CARMIL1: variants seen among roughly 807,000 people sequenced by gnomAD.
The protein encoded by CARMIL1 is capping protein regulator and myosin 1 linker 1, also known as F-actin-uncapping protein LRRC16A.
In CARMIL1, 90 loss-of-function variants were observed where a neutral mutation model predicts 177.1. The observed-to-expected ratio is 0.51, with a 90% confidence interval of 0.43 to 0.61. CARMIL1 has a LOEUF of 0.61. Among genes scored for constraint, CARMIL1 ranks in the 20% least tolerant of loss-of-function variants. The pLI, the probability that CARMIL1 is intolerant of heterozygous loss-of-function variation, is 0.00. For missense variants in CARMIL1, 1,380 were observed against 1,667.0 expected (o/e 0.83, Z 3.00); for synonymous variants, 577 against 606.2 (o/e 0.95, Z 0.71).
chr6:25,471,775 T>G (rs767144835), intron 10 of CARMIL1, among the ~76,000 whole-genome samples: 2 of 152,206 alleles, frequency 1.3e-5, no homozygotes, highest in Non-Finnish European at 2.9e-5. Context: ...TTTTAGTCAT[T>G]TTTTCTCCCT....
chr6:25,327,472 T>G lies in CARMIL1; in HGVS notation c.138+42563T>G, dbSNP rs914687429. Among the ~76,000 whole-genome samples the G allele has an allele frequency of 4.6e-5, 7 of 152,216 alleles. No homozygotes were observed. In the East Asian group the frequency reaches 1.2e-3, roughly 25 times the overall value. Reference sequence around the variant, plus strand: ...TTGATTTCCATCACAGGTTTTAGATTAGAAGAAACCAGAGAAACACAGCCC... The same window carrying G: ...TTGATTTCCATCACAGGTTTTAGATGAGAAGAAACCAGAGAAACACAGCCC... On this transcript the variant is annotated intron_variant, in intron 2 of 36. Transcript: ENST00000329474.
chr6:25,544,631 A>ACACG (rs1249558413), intron 26 of CARMIL1, among the ~76,000 whole-genome samples: 4 of 151,110 alleles, frequency 2.6e-5, no homozygotes, highest in African/African-American at 9.8e-5. Context: ...ACACACACAC[A>ACACG]CACACACACA....
intron 32 of CARMIL1, among the ~76,000 whole-genome samples, chr6:25,597,482 T>A (rs1176716983): frequency 6.6e-6 from 1 of 152,232 alleles, no homozygotes; most frequent in Non-Finnish European, 1.5e-5. Flanking sequence ...TATTGTCCCC[T>A]TTTTCATTTG....
intron 24 of CARMIL1, among the ~76,000 whole-genome samples, chr6:25,530,061 A>T (rs1056419357): frequency 1.3e-5 from 2 of 152,164 alleles, no homozygotes; most frequent in African/African-American, 4.8e-5. Flanking sequence ...ATTAGAGGAC[A>T]GGAAAGAATA....
chr6:25,523,150 TGAGAG>T (rs1806742481), intron 23 of CARMIL1, among the ~76,000 whole-genome samples: 1 of 152,232 alleles, frequency 6.6e-6, no homozygotes, highest in East Asian at 1.9e-4. Flanking sequence ...TGATTGGAGA[TGAGAG>T]AGAAAAAAGC....
Position 25,509,831 on chromosome 6 carries a change from C to A in CARMIL1, c.1477+94C>A, listed in dbSNP as rs1805292013. On this transcript the variant is annotated intron_variant, in intron 18 of 36. Transcript: ENST00000329474. This position sits in a 1 kb window ranked among gnomAD's most constrained non-coding sequence, Gnocchi z 4.1. The stretch of plus-strand genomic sequence containing the variant: ...TCTTCTACCCAAATCCAAACAATAG[C>A]TTAATAAAAAAATTGTTTTTTATTT... 2.5e-6 allele frequency: 2 copies of A among 815,892 alleles called. No homozygotes were observed. The highest frequency in any genetic ancestry group is 3.5e-5 in the African/African-American group (2 of 56,830). The allele number at this position is 815,892 out of a possible 1,614,324, so 50.5% of individuals were successfully genotyped here.
chr6:25,610,791 CTG>C (rs749226075), intron 36 of CARMIL1, among the ~76,000 whole-genome samples: 2 of 152,222 alleles, frequency 1.3e-5, no homozygotes, highest in African/African-American at 2.4e-5. Context: ...CCAAATCAGA[CTG>C]AGCTGTTACC....
At chr6:25,552,558 T>C (rs1265411660) in intron 27 of CARMIL1, among the ~76,000 whole-genome samples, 4 of 152,178 alleles carry the variant, frequency 2.6e-5, no homozygotes, top group Non-Finnish European at 4.4e-5. Flanking sequence ...AATATGCACA[T>C]TTGCATGGGC....
chr6:25,284,165 G>A (rs1781356395), intron 1 of CARMIL1, among the ~76,000 whole-genome samples: 1 of 152,206 alleles, frequency 6.6e-6, no homozygotes, highest in Non-Finnish European at 1.5e-5. Context: ...GGGAATTTAT[G>A]AATTCCTGTT....
intron 5 of CARMIL1, among the ~76,000 whole-genome samples, chr6:25,441,915 A>G (rs73393839): frequency 0.012 from 1,888 of 152,132 alleles, 49 homozygotes; most frequent in African/African-American, 0.043. Context: ...TTAGTATTAA[A>G]TGATATTGTT....
chr6:25,338,256 C>CAA (rs869144757), intron 2 of CARMIL1, among the ~76,000 whole-genome samples: 635 of 58,102 alleles, frequency 0.011, 3 homozygotes, highest in African/African-American at 0.05. Flanking sequence ...GACTCTGTCT[C>CAA]AAAAAAAAAA....
intron 29 of CARMIL1, chr6:25,564,011 G>A (rs1204845277): frequency 3.4e-6 from 1 of 292,758 alleles, no homozygotes; most frequent in Admixed American, 6.5e-5. Flanking sequence ...ATCATATTAA[G>A]TATCATAAGT....
chr6:25,318,434 A>G (rs898026633), intron 2 of CARMIL1, among the ~76,000 whole-genome samples: 6 of 152,010 alleles, frequency 3.9e-5, no homozygotes, highest in Admixed American at 6.6e-5. Flanking sequence ...CCAGTTTTTG[A>G]TATTTTTTCT....
At chr6:25,420,235 C>T in intron 3 of CARMIL1, 71 bp downstream of exon 3, 1 of 1,372,908 alleles carries the variant, frequency 7.3e-7, no homozygotes, top group South Asian at 1.2e-5. Context: ...GTCACTCATG[C>T]ATTCTTACAT....
At chr6:25,310,952 G>A (rs6456668) in intron 2 of CARMIL1, among the ~76,000 whole-genome samples, 30,933 of 151,872 alleles carry the variant, frequency 0.2, 4,023 homozygotes, top group East Asian at 0.4. Flanking sequence ...TGGCCAAGGT[G>A]GGTGGATCAC....
intron 16 of CARMIL1, among the ~76,000 whole-genome samples, chr6:25,499,964 G>T (rs529463253): frequency 2.6e-5 from 4 of 152,366 alleles, no homozygotes; most frequent in Non-Finnish European, 5.9e-5. Context: ...CAGGCAAAAA[G>T]AATGCTGCAG....
chr6:25,483,962 T>C (rs932450615), intron 12 of CARMIL1, among the ~76,000 whole-genome samples: 2 of 152,062 alleles, frequency 1.3e-5, no homozygotes, highest in African/African-American at 4.8e-5. Context: ...AGTTTCCATG[T>C]TCCGTGGCCA....
chr6:25,418,572 C>T (rs1298674772), intron 2 of CARMIL1, among the ~76,000 whole-genome samples: 1 of 151,790 alleles, frequency 6.6e-6, no homozygotes, highest in East Asian at 1.9e-4. Context: ...AGATAAATTC[C>T]TCAGGGAAAA....
chr6:25,396,413 G>A (rs1793399160), intron 2 of CARMIL1, among the ~76,000 whole-genome samples: 1 of 149,230 alleles, frequency 6.7e-6, no homozygotes, highest in Non-Finnish European at 1.5e-5. Flanking sequence ...CCAGGCTGGA[G>A]TGCAGTGGCA....
Sources: gnomAD v4.1 joint callset for allele counts (sites outside exome capture counted in the v4.1 genomes callset) on GRCh38, gnomAD v4.1.1 for gene constraint, Gnocchi (gnomAD v3.1) non-coding constraint, MANE v1.5 for transcripts, NCBI Gene and HGNC (gene_info 2026-07-23, HGNC 2026-07-21) for gene names.